ABCA4: variants seen among roughly 807,000 people sequenced by gnomAD.
The protein encoded by ABCA4 is ATP binding cassette subfamily A member 4.
ABCA4 carries 196 observed loss-of-function variants against 263.7 expected under a neutral mutation model. That is an observed-to-expected ratio of 0.74 (90% CI 0.66 to 0.84). The LOEUF (loss-of-function observed/expected upper bound fraction) is 0.84, where lower values mean the gene tolerates loss of function less well. ABCA4 is among the 40% of genes least tolerant of loss of function. ABCA4 has a pLI of 0.00. For missense variants in ABCA4, 2,792 were observed against 2,855.1 expected, an observed-to-expected ratio of 0.98 and a Z score of 0.50; for synonymous variants, 1,133 against 1,094.2, an observed-to-expected ratio of 1.04 and a Z score of -0.70.
chr1:94,084,956 GTCTCCCCTGAGAT>G, intron 6 of ABCA4, among the ~76,000 whole-genome samples: 1 of 152,260 alleles, frequency 6.6e-6, no homozygotes, highest in South Asian at 2.1e-4. Context: ...CCTCCCTCCT[GTCTCCCCTGAGAT>G]TATTAGAGAT....
intron 7 of ABCA4, among the ~76,000 whole-genome samples, chr1:94,082,857 A>G (rs955090459): frequency 1.3e-5 from 2 of 152,330 alleles, no homozygotes; most frequent in East Asian, 3.9e-4. Flanking sequence ...ATCAGATGTT[A>G]ATTAAAATGT....
chr1:94,078,268 T>C (rs1412288038), intron 10 of ABCA4, among the ~76,000 whole-genome samples: 1 of 152,206 alleles, frequency 6.6e-6, no homozygotes, highest in African/African-American at 2.4e-5. Context: ...ATCTTTGGAG[T>C]TACAGAGCTG....
intron 10 of ABCA4, 35 bp from the exon 11 acceptor site, chr1:94,077,922 A>G (rs1223623239): frequency 1.3e-6 from 2 of 1,586,714 alleles, no homozygotes; most frequent in Non-Finnish European, 8.7e-7. Flanking sequence ...TGCTCTGCTT[A>G]GAAATTCCAT....
chr1:94,089,672 G>A (rs1462910482), intron 6 of ABCA4, among the ~76,000 whole-genome samples: 1 of 151,996 alleles, frequency 6.6e-6, no homozygotes, highest in Non-Finnish European at 1.5e-5. Flanking sequence ...ATGTTGGCCA[G>A]GCTGATCTTG....
At chr1:94,006,732 GTCC>G (rs1455786821) in intron 43 of ABCA4, among the ~76,000 whole-genome samples, 2 of 152,192 alleles carry the variant, frequency 1.3e-5, no homozygotes, top group Admixed American at 1.3e-4. Flanking sequence ...CTCAGGACTC[GTCC>G]TGCCCACTGG....
In ABCA4 at chr1:94,063,173, C is replaced by A; in HGVS notation, c.1699G>T (p.Val567Leu). 1 of 1,614,084 alleles carries A rather than the reference C, an allele frequency of 6.2e-7. No individual in the cohort carries two copies. Among genetic ancestry groups the A allele is most frequent in the Non-Finnish European group, 8.5e-7 (1 of 1,180,018 alleles). Residue 567 changes from valine to leucine, a missense_variant, in exon 12 of 50, where the codon GTG becomes TTG. Physicochemically the swap from Val to Leu is conservative, Grantham distance 32. Transcript: ENST00000370225. ...YPWTSSLPPH[V>L]KYKIRMDIDV... ...ATGTCCATTCGGATCTTATACTTCACGTGGGGTGGTAGAGAGCTGGTCCAG... is the reference window on the plus strand; with the variant it reads ...ATGTCCATTCGGATCTTATACTTCAAGTGGGGTGGTAGAGAGCTGGTCCAG...
At chr1:94,062,517 AG>A in intron 13 of ABCA4, 59 bp downstream of exon 13, 2 of 907,340 alleles carry the variant, frequency 2.2e-6, no homozygotes, top group Non-Finnish European at 3.4e-6. Context: ...AGCCCACCCC[AG>A]CCCACTCCAG....
intron 16 of ABCA4, among the ~76,000 whole-genome samples, 196 bp from the exon 17 acceptor site, chr1:94,051,894 T>C (rs1660851620): frequency 6.6e-6 from 1 of 152,310 alleles, no homozygotes; most frequent in African/African-American, 2.4e-5. Flanking sequence ...CACACAGTCA[T>C]GTTTTTGGGG....
At position 94,031,826 on chromosome 1, in the gene ABCA4, G is replaced by C. The variant is rs2101036844; in HGVS notation, c.4080C>G (p.Val1360=). 7.4e-6 allele frequency: 12 copies of C among 1,614,090 alleles called. No individual in the cohort carries two copies. Among genetic ancestry groups the C allele is most frequent in the Non-Finnish European group, 8.5e-6 (10 of 1,180,050 alleles). Residue 1360 remains valine (V), a synonymous_variant, in exon 27 of 50, where the codon GTC becomes GTG. Coordinates refer to ENST00000370225, the MANE Select transcript of ABCA4 (RefSeq NM_000350.3). ...LVLQHVQALL[V]KRFQHTIRSH... ...TGCGGATGGTGTGTTGGAATCTCTT[G>C]ACCAGCAGCGCCTGCACATGCTGGA...
rs190540405 is a variant in ABCA4 at position 94,080,705 on chromosome 1, G to A, written c.872C>T (p.Pro291Leu). The A allele has an allele frequency of 1.5e-4, 249 of 1,614,084 alleles. 1 individual carries two copies. The Admixed American group carries it at 2.3e-3, about 15-fold the overall frequency. Reference sequence around the variant, plus strand: ...CACCCACAGCAAGTCCTGCATACTCGGCCGATGGATAAACTAGGGCAAGGC... The same window carrying A: ...CACCCACAGCAAGTCCTGCATACTCAGCCGATGGATAAACTAGGGCAAGGC... ...SPRIQEFIHR[P>L]SMQDLLWVTR... The change falls in exon 8 of 50, where the codon CCG (proline) becomes CTG (leucine). Residue 291 changes from proline to leucine, a missense_variant. Physicochemically the swap from Pro to Leu is moderately conservative, Grantham distance 98 (BLOSUM62 -3). Transcript: ENST00000370225.
intron 11 of ABCA4, among the ~76,000 whole-genome samples, chr1:94,070,598 C>T (rs1362705748): frequency 1.3e-5 from 2 of 152,206 alleles, no homozygotes; most frequent in African/African-American, 2.4e-5. Context: ...AAGGCAGTTT[C>T]GGCCCTTGAG....
At position 94,014,583 on chromosome 1, in the gene ABCA4, C is replaced by T. The variant is rs761435921; in HGVS notation, c.5420G>A (p.Ser1807Asn). The change falls in exon 38 of 50, where the codon AGT becomes AAT. Residue 1807 changes from serine to asparagine, a missense_variant. Transcript: ENST00000370225. ...CANLFIGINSSAITFILELFE... is the reference protein window; with the variant it reads ...CANLFIGINSNAITFILELFE... Reference sequence around the variant, plus strand: ...TAATTCCAAGATGAAGGTAATAGCACTGCTGTTGATGCCGATGAACAGATT... The same window carrying T: ...TAATTCCAAGATGAAGGTAATAGCATTGCTGTTGATGCCGATGAACAGATT... The T allele has an allele frequency of 2.1e-5, 34 of 1,614,106 alleles. No individual in the cohort carries two copies. The highest frequency in any genetic ancestry group is 2.7e-5 in the Non-Finnish European group (32 of 1,180,040).
chr1:94,106,203 T>A (rs1662430889), intron 4 of ABCA4, among the ~76,000 whole-genome samples: 1 of 152,250 alleles, frequency 6.6e-6, no homozygotes, highest in African/African-American at 2.4e-5. Context: ...TAGGGACTTC[T>A]CACAGCCCGA....
intron 30 of ABCA4, 22 bp downstream of exon 30, chr1:94,029,423 C>A: frequency 6.5e-7 from 1 of 1,538,752 alleles, no homozygotes; most frequent in Admixed American, 2.0e-5. Flanking sequence ...ACCTGGGGCC[C>A]CGTTGTTTGG....
chr1:94,039,445 C>T (rs1660428081), intron 24 of ABCA4, among the ~76,000 whole-genome samples: 1 of 152,202 alleles, frequency 6.6e-6, no homozygotes, highest in African/African-American at 2.4e-5. Flanking sequence ...TGTGGGAATA[C>T]GCTTCTCACA....
At chr1:94,087,060 G>A (rs1054813001) in intron 6 of ABCA4, among the ~76,000 whole-genome samples, 9 of 152,106 alleles carry the variant, frequency 5.9e-5, no homozygotes, top group African/African-American at 1.2e-4. Context: ...TGGTGGAAGC[G>A]GCAAGCTGGC....
intron 35 of ABCA4, 71 bp from the exon 36 acceptor site, chr1:94,019,830 G>A (rs1290170868): frequency 3.9e-6 from 6 of 1,542,070 alleles, no homozygotes; most frequent in Non-Finnish European, 5.3e-6. Flanking sequence ...AAGATACAAA[G>A]TCAGGCTTTG....
At position 94,079,313 on chromosome 1, in the gene ABCA4, G is replaced by C. The variant is rs776985109; in HGVS notation, c.1239+9C>G. On this transcript the variant is annotated intron_variant, in intron 9 of 49. Transcript: ENST00000370225. ...AGGGTACACAAGGCAAGCCCAGCTGGGATCTTACATTCTTCAGTATCCTTC... is the reference window on the plus strand; with the variant it reads ...AGGGTACACAAGGCAAGCCCAGCTGCGATCTTACATTCTTCAGTATCCTTC... 3 of 1,613,880 alleles carry C rather than the reference G, an allele frequency of 1.9e-6. No homozygotes were observed. The highest frequency in any genetic ancestry group is 2.5e-6 in the Non-Finnish European group (3 of 1,179,990).
At chr1:94,082,716 G>A (rs1028982386) in intron 7 of ABCA4, among the ~76,000 whole-genome samples, 1 of 152,198 alleles carries the variant, frequency 6.6e-6, no homozygotes, top group Non-Finnish European at 1.5e-5. Context: ...CACACTTGAA[G>A]AGAATTGTTT....
Sources: gnomAD v4.1 joint callset for allele counts (sites outside exome capture counted in the v4.1 genomes callset) on GRCh38, gnomAD v4.1.1 for gene constraint, MANE v1.5 for transcripts, NCBI Gene and HGNC (gene_info 2026-07-23, HGNC 2026-07-21) for gene names.